The following SORCS2 variants were observed in gnomAD, a reference collection of about 807,000 sequenced individuals.
SORCS2 encodes the protein VPS10 domain-containing receptor SorCS2.
SORCS2 carries 100 observed loss-of-function variants against 141.6 expected under a neutral mutation model. That is an observed-to-expected ratio of 0.71 (90% CI 0.60 to 0.83). The LOEUF is 0.83. Ranked by LOEUF, SORCS2 falls within the 40% of genes least tolerant of loss-of-function variation. The pLI is 0.00. For missense variants in SORCS2, 1,646 were observed against 1,560.2 expected (o/e 1.05, Z -0.93); for synonymous variants, 789 against 676.9 (o/e 1.17, Z -2.57).
In SORCS2 at chr4:7,723,617, G is replaced by A; in HGVS notation, c.2425-80G>A. 2.7e-6 allele frequency: 4 copies of A among 1,463,594 alleles called. No homozygotes were observed. In the South Asian group the frequency reaches 4.6e-5, roughly 17 times the overall value. 90.7% of individuals were successfully genotyped at this position (1,463,594 alleles called of 1,614,324 possible). Reference sequence around the variant, plus strand: ...GGCGGCAATGAATGAATGAGTGAGTGAGTGAGTGAGTGAATGAACCACTCT... The same window carrying A: ...GGCGGCAATGAATGAATGAGTGAGTAAGTGAGTGAGTGAATGAACCACTCT... On this transcript the variant is annotated intron_variant, in intron 18 of 26. Coordinates refer to ENST00000507866, the MANE Select transcript of SORCS2 (RefSeq NM_020777.3).
At chr4:7,325,399 TAATG>T (rs199709302) in intron 1 of SORCS2, among the ~76,000 whole-genome samples, 2 of 151,728 alleles carry the variant, frequency 1.3e-5, no homozygotes, top group Admixed American at 6.6e-5. Context: ...CCCTAGGAAA[TAATG>T]AATGAATGAA....
chr4:7,528,575 G>C (rs1464769753), intron 2 of SORCS2, among the ~76,000 whole-genome samples: 1 of 152,120 alleles, frequency 6.6e-6, no homozygotes, highest in African/African-American at 2.4e-5. Flanking sequence ...ACAGGCGCCT[G>C]CCACCTCGCC....
chr4:7,288,544 CA>C (rs1276210515), intron 1 of SORCS2, among the ~76,000 whole-genome samples: 1 of 51,532 alleles, frequency 1.9e-5, no homozygotes, highest in Non-Finnish European at 3.7e-5. Flanking sequence ...CCTCTTCTCC[CA>C]GGGGCGGGGG....
chr4:7,698,790 C>T (rs1724865389), intron 12 of SORCS2, among the ~76,000 whole-genome samples: 1 of 151,982 alleles, frequency 6.6e-6, no homozygotes, highest in Admixed American at 6.5e-5. Context: ...GCTGGCGGTA[C>T]AGGACAGGCG....
chr4:7,489,278 C>T (rs1162263690), intron 2 of SORCS2, among the ~76,000 whole-genome samples: 1 of 152,176 alleles, frequency 6.6e-6, no homozygotes, highest in African/African-American at 2.4e-5. Context: ...TCCTTAAATT[C>T]CTTCCACTCT....
chr4:7,581,521 A>T (rs540886591), intron 3 of SORCS2, among the ~76,000 whole-genome samples: 2 of 152,192 alleles, frequency 1.3e-5, no homozygotes, highest in African/African-American at 2.4e-5. Flanking sequence ...GGCTGCTATG[A>T]CATCTGGGGT....
chr4:7,667,290 C>A (rs957812130), intron 8 of SORCS2, 77 bp downstream of exon 8: 4 of 1,352,054 alleles, frequency 3.0e-6, no homozygotes, highest in Admixed American at 3.5e-5. Flanking sequence ...ACAGGACTCA[C>A]ACACAGGTGC....
intron 1 of SORCS2, among the ~76,000 whole-genome samples, chr4:7,355,440 A>G (rs576670532): frequency 1.3e-5 from 2 of 152,296 alleles, no homozygotes; most frequent in East Asian, 1.9e-4. Flanking sequence ...GGCTTATGCT[A>G]TAAATATTTA....
intron 3 of SORCS2, among the ~76,000 whole-genome samples, chr4:7,620,207 T>C (rs146969450): frequency 6.8e-4 from 104 of 152,266 alleles, no homozygotes; most frequent in African/African-American, 1.9e-3. Context: ...TAATCAGCCA[T>C]CCCTCCCACA....
At chr4:7,437,811 C>T (rs1727406377) in intron 2 of SORCS2, among the ~76,000 whole-genome samples, 1 of 152,170 alleles carries the variant, frequency 6.6e-6, no homozygotes, top group Non-Finnish European at 1.5e-5. Context: ...TGCCCAGACA[C>T]ACCTGCCCCA....
In SORCS2 at chr4:7,648,533, G is replaced by A. The variant is rs932188016; in HGVS notation, c.814-5601G>A. Among the ~76,000 whole-genome samples, 3 of 152,144 alleles carry A rather than the reference G, an allele frequency of 2.0e-5. No individual in the cohort carries two copies. The highest frequency in any genetic ancestry group is 4.4e-5 in the Non-Finnish European group (3 of 68,012). On this transcript the variant is annotated intron_variant, in intron 4 of 26. Coordinates refer to ENST00000507866, the MANE Select transcript of SORCS2 (RefSeq NM_020777.3). This position sits in a 1 kb window ranked among gnomAD's most constrained non-coding sequence, Gnocchi z 4.2. ...TTTCAGGAGCTGGGGCAACTGCTGG[G>A]AACAAAACAGACCAACCCCTGCCCT...
At chr4:7,490,408 C>G (rs867971958) in intron 2 of SORCS2, among the ~76,000 whole-genome samples, 3 of 152,166 alleles carry the variant, frequency 2.0e-5, no homozygotes, top group Middle Eastern at 3.4e-3. Flanking sequence ...TGAGGACTAC[C>G]CTAGATCACG....
Position 7,233,797 on chromosome 4 carries a change from T to C in SORCS2, c.480+40671T>C, listed in dbSNP as rs1308539443. On this transcript the variant is annotated intron_variant, in intron 1 of 26. Transcript: ENST00000507866. The surrounding 1 kb of genome is among the most constrained non-coding windows in gnomAD (Gnocchi z 4.5). ...GTACTCCTGCACGCCTCAGTTTTCC[T>C]GTCTGTAAAATGGGTGCCGTGGTGC... 6.6e-6 allele frequency among the ~76,000 whole-genome samples: 1 copy of C among 152,166 alleles called. No homozygotes were observed. The highest frequency in any genetic ancestry group is 1.9e-4 in the East Asian group (1 of 5,192).
At chr4:7,500,035 G>A (rs1731864344) in intron 2 of SORCS2, among the ~76,000 whole-genome samples, 1 of 152,158 alleles carries the variant, frequency 6.6e-6, no homozygotes, top group African/African-American at 2.4e-5. Context: ...CAGCACCGTG[G>A]GGACCCAGCT....
intron 1 of SORCS2, among the ~76,000 whole-genome samples, chr4:7,195,192 G>C (rs866544261): frequency 9.7e-6 from 1 of 102,698 alleles, no homozygotes; most frequent in Non-Finnish European, 1.9e-5. Context: ...GTGTGTGTGT[G>C]TGTGTTGTGG....
At chr4:7,324,883 G>C (rs1363964504) in intron 1 of SORCS2, among the ~76,000 whole-genome samples, 1 of 152,222 alleles carries the variant, frequency 6.6e-6, no homozygotes, top group Non-Finnish European at 1.5e-5. Flanking sequence ...AGTCGATGCT[G>C]CTGGTGGCAG....
intron 2 of SORCS2, among the ~76,000 whole-genome samples, chr4:7,463,510 G>A (rs1490418019): frequency 6.6e-6 from 1 of 152,160 alleles, no homozygotes; most frequent in Admixed American, 6.5e-5. Flanking sequence ...GGGTGGGGGC[G>A]CAGAAGCTCT....
chr4:7,540,854 G>A (rs774266651), intron 3 of SORCS2, among the ~76,000 whole-genome samples: 1 of 152,252 alleles, frequency 6.6e-6, no homozygotes, highest in African/African-American at 2.4e-5. Context: ...TGTTAAATGG[G>A]AGGATGCCTG....
At chr4:7,452,038 T>A in intron 2 of SORCS2, among the ~76,000 whole-genome samples, 1 of 152,170 alleles carries the variant, frequency 6.6e-6, no homozygotes, top group East Asian at 1.9e-4. Flanking sequence ...CGGCTCCTCC[T>A]GCTCTGCACA....
Sources: allele counts gnomAD v4.1 joint callset (sites outside exome capture counted in the v4.1 genomes callset), GRCh38; gene constraint gnomAD v4.1.1; non-coding constraint Gnocchi (gnomAD v3.1); transcripts MANE v1.5; gene names NCBI Gene and HGNC (gene_info 2026-07-23, HGNC 2026-07-21).